Variants in DNAH14 observed in about 807,000 individuals in gnomAD.
DNAH14 encodes axonemal beta dynein heavy chain 14.
Under a neutral mutation model 520.9 loss-of-function variants are expected in DNAH14, and 478 were observed. That is an observed-to-expected ratio of 0.92 (90% CI 0.85 to 0.99). The LOEUF (loss-of-function observed/expected upper bound fraction) is 0.99. Among genes scored for constraint, DNAH14 ranks in the 50% least tolerant of loss-of-function variants. The pLI is 0.00. For synonymous variants in DNAH14, 1,581 were observed against 1,757.2 expected (o/e 0.90, Z 2.51); for missense variants, 4,831 against 5,234.5 (o/e 0.92, Z 2.38).
intron 2 of DNAH14, among the ~76,000 whole-genome samples, chr1:224,953,337 G>T (rs1451050983): frequency 1.3e-5 from 2 of 151,820 alleles, no homozygotes; most frequent in African/African-American, 4.8e-5. Flanking sequence ...TTTTGGCCAG[G>T]CTGGTCTTGA....
intron 7 of DNAH14, among the ~76,000 whole-genome samples, chr1:224,973,434 T>C (rs2061621094): frequency 6.6e-6 from 1 of 152,194 alleles, no homozygotes; most frequent in Non-Finnish European, 1.5e-5. Flanking sequence ...AAGGGAGTGA[T>C]TGTGATATTG....
intron 54 of DNAH14, among the ~76,000 whole-genome samples, chr1:225,287,867 C>A (rs2093783404): frequency 6.6e-6 from 1 of 152,044 alleles, no homozygotes; most frequent in Non-Finnish European, 1.5e-5. Flanking sequence ...TAAAAGAGTT[C>A]ACAGTGGCCA....
Position 225,380,183 on chromosome 1 carries a change from G to A in DNAH14, c.12741G>A (p.Leu4247=). The A allele has an allele frequency of 1.3e-6, 2 of 1,551,506 alleles. No individual in the cohort carries two copies. The highest frequency in any genetic ancestry group is 2.7e-5 in the African/African-American group (2 of 73,096). The part of the protein sequence containing the change: ...MIRPEQSKDE[L]VMEILSDLLK... ...GACCTGAGCAGAGTAAGGATGAACTGGTGATGGAAATTCTATCCGACTTGC... is the reference window on the plus strand; with the variant it reads ...GACCTGAGCAGAGTAAGGATGAACTAGTGATGGAAATTCTATCCGACTTGC... The change falls in exon 80 of 86, where the codon CTG becomes CTA. Residue 4247 remains leucine, a synonymous_variant. Transcript: ENST00000682510.
In DNAH14 at chr1:224,967,522, C is replaced by A; in HGVS notation, c.590C>A (p.Ser197Ter). 1 of 1,603,218 alleles carries A rather than the reference C, an allele frequency of 6.2e-7. No individual in the cohort carries two copies. The highest frequency in any genetic ancestry group is 8.5e-7 in the Non-Finnish European group (1 of 1,175,652). ...LYNPYDLQVV[S>*]AHTAKHCKEF... ...AATCCATATGATCTTCAGGTAGTAT[C>A]GGCTCATACTGCTAAACATTGCAAA... Residue 197 changes from serine (S) to a stop codon, truncating the protein, a stop_gained, in exon 6 of 86, where the codon TCG becomes TAG. Transcript: ENST00000682510. LOFTEE classifies it high-confidence loss of function.
chr1:225,300,294 TCA>T (rs1221286060), intron 55 of DNAH14, among the ~76,000 whole-genome samples: 1 of 152,222 alleles, frequency 6.6e-6, no homozygotes, highest in Non-Finnish European at 1.5e-5. Flanking sequence ...ACCTCTTTTC[TCA>T]GTGCCTGTCA....
intron 21 of DNAH14, among the ~76,000 whole-genome samples, chr1:225,090,140 T>C (rs781254222): frequency 5.3e-5 from 8 of 152,140 alleles, no homozygotes; most frequent in South Asian, 2.1e-4. Flanking sequence ...TCAAATTCAT[T>C]ATATATACTG....
rs80297033 is a variant in DNAH14 at position 225,002,783 on chromosome 1, G to T, written c.831G>T (p.Arg277Ser). The T allele has an allele frequency of 1.4e-5, 21 of 1,547,656 alleles. No individual in the cohort carries two copies. In the East Asian group the frequency reaches 5.2e-4, roughly 38 times the overall value. The change falls in exon 9 of 86, where the codon AGG (arginine) becomes AGT (serine). Residue 277 changes from arginine (R) to serine (S), a missense_variant and splice_region_variant. Physicochemically the swap from Arg to Ser is moderately radical, Grantham distance 110 (BLOSUM62 -1). Transcript: ENST00000682510. ...TCTGTAGAAATTTTTTAACTTTCAG[G>T]TCATTTTTGTACCACCATCTTTTTT... The part of the protein sequence containing the change: ...NVKRIKTEKS[R>S]SFLYHHLFLA...
intron 46 of DNAH14, 72 bp downstream of exon 46, chr1:225,259,325 G>A (rs1186812962): frequency 3.6e-6 from 4 of 1,114,224 alleles, no homozygotes; most frequent in Non-Finnish European, 4.7e-6. Flanking sequence ...AAATATGCCT[G>A]TTTTTAAAAA....
chr1:224,963,183 G>A (rs566158401), intron 4 of DNAH14, among the ~76,000 whole-genome samples: 3 of 151,950 alleles, frequency 2.0e-5, no homozygotes, highest in Non-Finnish European at 2.9e-5. Flanking sequence ...GTAATATCTA[G>A]CCTGTTATGT....
At chr1:225,193,515 C>T (rs918396569) in intron 38 of DNAH14, among the ~76,000 whole-genome samples, 1 of 152,028 alleles carries the variant, frequency 6.6e-6, no homozygotes, top group Non-Finnish European at 1.5e-5. Flanking sequence ...TATCACAAGA[C>T]TCTATCTCAA....
At position 225,357,773 on chromosome 1, in the gene DNAH14, C is replaced by T. The variant is rs1278760109; in HGVS notation, c.11620-723C>T. ...CAACCTGGTACATCAAACAGGCACA[C>T]TGACGTGTGTAGCTTCAGTTTTGCT... On this transcript the variant is annotated intron_variant, in intron 73 of 85. Transcript: ENST00000682510. 4.3e-6 allele frequency: 3 copies of T among 701,924 alleles called. No homozygotes were observed. The Middle Eastern group carries it at 6.9e-4, about 161-fold the overall frequency. The allele number at this position is 701,924 out of a possible 1,614,324, so 43.5% of individuals were successfully genotyped here.
At chr1:224,949,076 T>C (rs551136324) in intron 1 of DNAH14, among the ~76,000 whole-genome samples, 8 of 152,342 alleles carry the variant, frequency 5.3e-5, no homozygotes, top group Middle Eastern at 3.4e-3. Context: ...TGATTTTATT[T>C]GCCTAGCAAT....
At chr1:224,984,891 G>A (rs1355757773) in intron 8 of DNAH14, among the ~76,000 whole-genome samples, 1 of 152,000 alleles carries the variant, frequency 6.6e-6, no homozygotes, top group Admixed American at 6.6e-5. Flanking sequence ...TAATGATCAG[G>A]GAAATGCAAA....
intron 8 of DNAH14, among the ~76,000 whole-genome samples, chr1:224,989,894 G>A (rs2062913068): frequency 6.6e-6 from 1 of 151,906 alleles, no homozygotes; most frequent in Non-Finnish European, 1.5e-5. Context: ...AACCAGCTTT[G>A]CATCCCTGGA....
Position 225,095,746 on chromosome 1 carries a change from A to G in DNAH14, c.3574-1372A>G, listed in dbSNP as rs980898214. Among the ~76,000 whole-genome samples the G allele has an allele frequency of 2.0e-5, 3 of 152,228 alleles. No individual in the cohort carries two copies. In the East Asian group the frequency reaches 5.8e-4, roughly 29 times the overall value. On this transcript the variant is annotated intron_variant, in intron 21 of 85. Coordinates refer to ENST00000682510, the MANE Select transcript of DNAH14 (RefSeq NM_001367479.1). ...AAAGAAGTCAGAGCAAAGTGAATACATGTTGTATGATTCTGTTTATATAAA... is the reference window on the plus strand; with the variant it reads ...AAAGAAGTCAGAGCAAAGTGAATACGTGTTGTATGATTCTGTTTATATAAA...
chr1:225,050,466 G>T, intron 16 of DNAH14, 90 bp downstream of exon 16: 2 of 1,339,556 alleles, frequency 1.5e-6, no homozygotes. Context: ...GAAAAATTAG[G>T]GTATCCTATT....
At chr1:225,060,981 G>A (rs1488998798) in intron 17 of DNAH14, among the ~76,000 whole-genome samples, 2 of 146,882 alleles carry the variant, frequency 1.4e-5, no homozygotes, top group Admixed American at 1.4e-4. Context: ...TGAGGAGGCA[G>A]TCTGTCCCTT....
chr1:225,174,148 T>G (rs1049029237), intron 36 of DNAH14, among the ~76,000 whole-genome samples: 27 of 152,174 alleles, frequency 1.8e-4, no homozygotes, highest in African/African-American at 6.0e-4. Context: ...CATTAGGAGA[T>G]ATACCTAATA....
At chr1:225,383,961 G>A (rs190956873) in intron 81 of DNAH14, among the ~76,000 whole-genome samples, 1 of 152,134 alleles carries the variant, frequency 6.6e-6, no homozygotes, top group African/African-American at 2.4e-5. Context: ...TGGTTTCAAA[G>A]AACATCTTTA....
Sources: allele counts gnomAD v4.1 joint callset (sites outside exome capture counted in the v4.1 genomes callset), GRCh38; gene constraint gnomAD v4.1.1; transcripts MANE v1.5; gene names NCBI Gene and HGNC (gene_info 2026-07-23, HGNC 2026-07-21).